CCDC102B: variants seen among roughly 807,000 people sequenced by gnomAD.
The protein encoded by CCDC102B is coiled-coil domain-containing protein 102B.
CCDC102B carries 75 observed loss-of-function variants against 57.4 expected under a neutral mutation model. The observed-to-expected ratio is 1.31, with a 90% CI of 1.08 to 1.58. The LOEUF (loss-of-function observed/expected upper bound fraction) is 1.58, where lower values mean the gene tolerates loss of function less well. CCDC102B is among the 40% of genes most tolerant of loss of function. CCDC102B has a pLI of 0.00. For synonymous variants in CCDC102B, 206 were observed against 201.9 expected, an observed-to-expected ratio of 1.02 and a Z score of -0.17; for missense variants, 636 against 582.6, an observed-to-expected ratio of 1.09 and a Z score of -0.94.
chr18:68,945,188 G>A (rs1416665983), intron 6 of CCDC102B, among the ~76,000 whole-genome samples: 4 of 148,566 alleles, frequency 2.7e-5, no homozygotes, highest in Non-Finnish European at 5.9e-5. Context: ...GTACTTATTT[G>A]TTTATATAAT....
intron 6 of CCDC102B, among the ~76,000 whole-genome samples, chr18:68,937,172 T>G (rs991113142): frequency 1.3e-5 from 2 of 152,038 alleles, no homozygotes; most frequent in Non-Finnish European, 2.9e-5. Flanking sequence ...CTAACACATG[T>G]GTTTTCTCCC....
At chr18:68,734,311 T>A (rs2033029183) in intron 2 of CCDC102B, among the ~76,000 whole-genome samples, 1 of 152,170 alleles carries the variant, frequency 6.6e-6, no homozygotes, top group South Asian at 2.1e-4. Context: ...TGCCTGTCTG[T>A]AAGTTTTTTT....
intron 2 of CCDC102B, among the ~76,000 whole-genome samples, chr18:68,744,283 G>A (rs1245870336): frequency 6.6e-6 from 1 of 152,146 alleles, no homozygotes; most frequent in Non-Finnish European, 1.5e-5. Flanking sequence ...GTAATTTGTT[G>A]TTCTGACAAT....
Position 69,054,761 on chromosome 18 carries a change from C to T in CCDC102B, c.*624C>T, listed in dbSNP as rs184775928. ...TGAATCTAAGACAGGCTGTAAGCATCGCTGAGAAACTAAAAGGACTTTTGA... is the reference window on the plus strand; with the variant it reads ...TGAATCTAAGACAGGCTGTAAGCATTGCTGAGAAACTAAAAGGACTTTTGA... On this transcript the variant is annotated 3_prime_UTR_variant, in exon 8 of 8. Transcript: ENST00000360242. 104 of 985,120 alleles carry T rather than the reference C, an allele frequency of 1.1e-4. No homozygotes were observed. Among genetic ancestry groups the T allele is most frequent in the Non-Finnish European group, 1.2e-4 (103 of 829,900 alleles). 61.0% of individuals were successfully genotyped at this position (985,120 alleles called of 1,614,324 possible). A position where few individuals can be genotyped will look rare whatever the true frequency, so the allele number is the denominator to read the frequency against.
At chr18:68,901,311 A>G (rs1235784142) in intron 6 of CCDC102B, among the ~76,000 whole-genome samples, 2 of 152,178 alleles carry the variant, frequency 1.3e-5, no homozygotes, top group African/African-American at 4.8e-5. Flanking sequence ...AGTAAGCCAC[A>G]TAAGTCTCTG....
At chr18:68,788,725 C>G (rs1312044983) in intron 2 of CCDC102B, among the ~76,000 whole-genome samples, 1 of 149,890 alleles carries the variant, frequency 6.7e-6, no homozygotes, top group East Asian at 2.0e-4. Flanking sequence ...ATGTGTGTCT[C>G]TGCACGTGAG....
intron 7 of CCDC102B, among the ~76,000 whole-genome samples, chr18:69,036,090 A>T (rs1417042254): frequency 6.6e-6 from 1 of 152,126 alleles, no homozygotes; most frequent in African/African-American, 2.4e-5. Context: ...AAAATTGGTT[A>T]TCAACTGCTT....
intron 2 of CCDC102B, among the ~76,000 whole-genome samples, chr18:68,780,377 GA>G (rs1568246133): frequency 6.6e-6 from 1 of 151,608 alleles, no homozygotes; most frequent in Non-Finnish European, 1.5e-5. Context: ...TAATTTTGGG[GA>G]ACTGCCAGAC....
chr18:68,823,249 T>C (rs2036767174), intron 1 of CCDC102B: 1 of 152,274 alleles, frequency 6.6e-6, no homozygotes, highest in Non-Finnish European at 1.5e-5. Context: ...AGCATTGCAA[T>C]CGGGGCTCTT....
chr18:68,877,777 A>T (rs1796016681), intron 5 of CCDC102B, among the ~76,000 whole-genome samples: 1 of 152,188 alleles, frequency 6.6e-6, no homozygotes, highest in South Asian at 2.1e-4. Context: ...ATATGCCTTA[A>T]ATCAAACAAA....
intron 6 of CCDC102B, among the ~76,000 whole-genome samples, chr18:68,933,862 C>T (rs2041760269): frequency 1.3e-5 from 2 of 151,654 alleles, no homozygotes; most frequent in Admixed American, 6.6e-5. Flanking sequence ...ACCAACTAAC[C>T]AAAGAAAAAT....
exon 1 of CCDC102B, chr18:68,715,333 A>G: frequency 1.0e-6 from 1 of 978,998 alleles, no homozygotes; most frequent in Non-Finnish European, 1.3e-6. Context: ...GGGAAGGTGA[A>G]TACCGGTGAA....
At chr18:69,016,822 C>T (rs1209354433) in intron 7 of CCDC102B, among the ~76,000 whole-genome samples, 1 of 151,894 alleles carries the variant, frequency 6.6e-6, no homozygotes, top group Non-Finnish European at 1.5e-5. Flanking sequence ...TTTTCTACAT[C>T]GGGAAAAAAG....
intron 7 of CCDC102B, among the ~76,000 whole-genome samples, chr18:69,035,794 G>T (rs1002357428): frequency 1.2e-4 from 19 of 152,052 alleles, no homozygotes; most frequent in Admixed American, 1.2e-3. Flanking sequence ...ATTCAAAACT[G>T]GCAAATTGCC....
intron 4 of CCDC102B, among the ~76,000 whole-genome samples, chr18:68,856,441 C>T (rs1369479293): frequency 5.9e-5 from 9 of 152,070 alleles, no homozygotes; most frequent in Non-Finnish European, 1.3e-4. Flanking sequence ...CAGGCATGTA[C>T]CACCACAACT....
chr18:68,784,999 C>T (rs1419905207), intron 2 of CCDC102B, among the ~76,000 whole-genome samples: 1 of 125,212 alleles, frequency 8.0e-6, no homozygotes, highest in Non-Finnish European at 1.6e-5. Context: ...CACAACAGTC[C>T]CCAGAGTGTG....
chr18:68,943,237 G>A (rs1472073438), intron 6 of CCDC102B, among the ~76,000 whole-genome samples: 1 of 152,062 alleles, frequency 6.6e-6, no homozygotes, highest in Non-Finnish European at 1.5e-5. Context: ...CCCCACAAAA[G>A]AGAGAGATTA....
intron 2 of CCDC102B, among the ~76,000 whole-genome samples, chr18:68,716,790 C>T (rs2032028442): frequency 6.6e-6 from 1 of 151,818 alleles, no homozygotes; most frequent in Non-Finnish European, 1.5e-5. Context: ...AAAAATTAGC[C>T]AGATGTGGCC....
chr18:68,999,317 C>T (rs372677012), intron 6 of CCDC102B, among the ~76,000 whole-genome samples: 1 of 152,022 alleles, frequency 6.6e-6, no homozygotes, highest in South Asian at 2.1e-4. Context: ...AAGATGTAAG[C>T]CTGGCACATT....
Sources: gnomAD v4.1 joint callset for allele counts (sites outside exome capture counted in the v4.1 genomes callset) on GRCh38, gnomAD v4.1.1 for gene constraint, MANE v1.5 for transcripts, NCBI Gene and HGNC (gene_info 2026-07-23, HGNC 2026-07-21) for gene names.